ABLIM2: variants seen among roughly 807,000 people sequenced by gnomAD.
The protein encoded by ABLIM2 is actin-binding LIM protein 2.
In ABLIM2, 53 loss-of-function variants were observed where a neutral mutation model predicts 97.7. The observed-to-expected ratio is 0.54, with a 90% CI of 0.44 to 0.68. The LOEUF is 0.68. Ranked by LOEUF, ABLIM2 falls within the 30% of genes least tolerant of loss-of-function variation. The pLI is 0.00. For missense variants in ABLIM2, 835 were observed against 867.2 expected (o/e 0.96, Z 0.47); for synonymous variants, 361 against 345.8 (o/e 1.04, Z -0.49).
rs1021258375 is a variant in ABLIM2 at position 8,082,568 on chromosome 4, A to T, written c.455-1766T>A. 6.6e-6 allele frequency among the ~76,000 whole-genome samples: 1 copy of T among 152,194 alleles called. No homozygotes were observed. Among genetic ancestry groups the T allele is most frequent in the Non-Finnish European group, 1.5e-5 (1 of 68,026 alleles). On this transcript the variant is annotated intron_variant, in intron 4 of 20. Coordinates refer to ENST00000447017, the MANE Select transcript of ABLIM2 (RefSeq NM_001130083.2). The surrounding 1 kb of genome is among the most constrained non-coding windows in gnomAD (Gnocchi z 5.6). ...TAACAATTAAAACAAACGAACACTC[A>T]CAAAGCCGTTGGTCAAGCTCAGGAT... is the stretch of plus-strand genomic sequence containing the variant.
At chr4:8,007,780 G>C in intron 16 of ABLIM2, 1 of 1,237,642 alleles carries the variant, frequency 8.1e-7, no homozygotes, top group Admixed American at 3.8e-5. Flanking sequence ...CCCAGGAGCA[G>C]GTCTGGGTTT....
intron 1 of ABLIM2, among the ~76,000 whole-genome samples, chr4:8,136,620 G>C (rs923555327): frequency 6.6e-5 from 10 of 152,176 alleles, no homozygotes; most frequent in Non-Finnish European, 1.3e-4. Flanking sequence ...CTGAGTACCC[G>C]GGACCCACCA....
At chr4:7,984,211 C>T (rs1044293961) in intron 18 of ABLIM2, among the ~76,000 whole-genome samples, 2 of 152,344 alleles carry the variant, frequency 1.3e-5, no homozygotes, top group East Asian at 3.9e-4. Context: ...CCACTTGCCC[C>T]GTGTGGTTCT....
rs566269741 is a variant in ABLIM2, at chr4:8,058,439, T to A, written c.763+2528A>T. Among the ~76,000 whole-genome samples the A allele has an allele frequency of 7.7e-4, 117 of 152,212 alleles. No homozygotes were observed. The highest frequency in any genetic ancestry group is 1.5e-3 in the Non-Finnish European group (104 of 68,028). On this transcript the variant is annotated intron_variant, in intron 7 of 20. Transcript: ENST00000447017. This position sits in a 1 kb window ranked among gnomAD's most constrained non-coding sequence, Gnocchi z 4.2. ...GGTCATTCAACAGCCCGCAGGCACC[T>A]GCACGGCAGACGCTCTGACAGCAGC...
In ABLIM2 at chr4:8,080,767, G is replaced by C. The variant is rs983506804; in HGVS notation, c.490C>G (p.Gln164Glu). The change falls in exon 5 of 21, where the codon CAG becomes GAG. Residue 164 changes from glutamine (Q) to glutamate (E), a missense_variant. Physicochemically the swap from Gln to Glu is conservative, Grantham distance 29. Transcript: ENST00000447017. Reference protein sequence around the residue: ...GGCGTEIKNGQALVALDKHWH... With the variant: ...GGCGTEIKNGEALVALDKHWH... ...TGCTTGTCCAAGGCTACCAGGGCCT[G>C]GCCATTCTTGATTTCTGTGCCGCAG... The C allele has an allele frequency of 2.7e-5, 43 of 1,611,278 alleles. No homozygotes were observed. Among genetic ancestry groups the C allele is most frequent in the Non-Finnish European group, 3.6e-5 (43 of 1,178,236 alleles).
intron 9 of ABLIM2, among the ~76,000 whole-genome samples, chr4:8,038,998 G>A (rs78403015): frequency 0.028 from 4,310 of 152,090 alleles, 180 homozygotes; most frequent in African/African-American, 0.095. Context: ...GTCCTTCCAG[G>A]CTCAGCGAAG....
rs1429290826 is a variant in ABLIM2 at position 8,036,178 on chromosome 4, A to T, written c.1018T>A (p.Ser340Thr). ...CCGTAGCTCTGCCTGTCCCCTGCAG[A>T]GTGGCTGATGTAGGGTGAGTAGGAG... The part of the protein sequence containing the change: ...MISYSPYISH[S>T]AGDRQSYGEG... The change falls in exon 10 of 21, where the codon TCT (serine) becomes ACT (threonine). Residue 340 changes from serine (S) to threonine (T), a missense_variant. Transcript: ENST00000447017. The T allele has an allele frequency of 6.2e-7, 1 of 1,613,860 alleles. No homozygotes were observed. Among genetic ancestry groups the T allele is most frequent in the Admixed American group, 1.7e-5 (1 of 60,008 alleles).
intron 2 of ABLIM2, among the ~76,000 whole-genome samples, chr4:8,100,099 GA>G (rs1271667005): frequency 2.0e-5 from 3 of 152,164 alleles, no homozygotes; most frequent in Non-Finnish European, 4.4e-5. Flanking sequence ...CGGCTGGGGG[GA>G]AAAGATGAAT....
intron 1 of ABLIM2, among the ~76,000 whole-genome samples, chr4:8,154,475 T>C (rs1714567373): frequency 6.6e-6 from 1 of 150,664 alleles, no homozygotes; most frequent in Non-Finnish European, 1.5e-5. Context: ...AGAGATGGGG[T>C]TTCACCATGT....
At chr4:7,983,370 C>A in intron 19 of ABLIM2, 26 bp from the exon 20 acceptor site, 1 of 1,605,526 alleles carries the variant, frequency 6.2e-7, no homozygotes, top group Non-Finnish European at 8.5e-7. Flanking sequence ...ACCACAGGGT[C>A]ACCTCACGAA....
At chr4:8,048,113 G>A (rs1269859222) in intron 8 of ABLIM2, among the ~76,000 whole-genome samples, 1 of 152,232 alleles carries the variant, frequency 6.6e-6, no homozygotes, top group South Asian at 2.1e-4. Context: ...GGGCAGCCAG[G>A]TCATTGTCCT....
At position 8,069,786 on chromosome 4, in the gene ABLIM2, C is replaced by T. The variant is rs1215022276; in HGVS notation, c.675+7842G>A. ...GTGTGTCCATGCATGTTGTCTGTGT[C>T]TCTCCGTGTGCTTGTGTGTCTCTAT... On this transcript the variant is annotated intron_variant, in intron 6 of 20. Coordinates refer to ENST00000447017, the MANE Select transcript of ABLIM2 (RefSeq NM_001130083.2). This position sits in a 1 kb window ranked among gnomAD's most constrained non-coding sequence, Gnocchi z 4.2. 6.6e-6 allele frequency among the ~76,000 whole-genome samples: 1 copy of T among 151,442 alleles called. No individual in the cohort carries two copies. Among genetic ancestry groups the T allele is most frequent in the East Asian group, 1.9e-4 (1 of 5,150 alleles).
Position 8,095,572 on chromosome 4 carries a change from T to TG in ABLIM2, c.338+1526dup, listed in dbSNP as rs1831125012. On this transcript the variant is annotated intron_variant, in intron 3 of 20. Transcript: ENST00000447017. This position sits in a 1 kb window ranked among gnomAD's most constrained non-coding sequence, Gnocchi z 4.7. The stretch of plus-strand genomic sequence containing the variant: ...AAAATAATTAATTAAAAAATAGAGA[T>TG]GGGGTCTCTTTATGTTTCCCAAGCT... 6.6e-6 allele frequency among the ~76,000 whole-genome samples: 1 copy of TG among 152,114 alleles called. No homozygotes were observed. Among genetic ancestry groups the TG allele is most frequent in the African/African-American group, 2.4e-5 (1 of 41,424 alleles).
At chr4:8,139,466 G>T (rs1022813625) in intron 1 of ABLIM2, among the ~76,000 whole-genome samples, 33 of 152,084 alleles carry the variant, frequency 2.2e-4, no homozygotes, top group African/African-American at 8.0e-4. Context: ...CTTCACAAAA[G>T]AAGACATTTA....
Position 8,020,294 on chromosome 4 carries a change from C to T in ABLIM2, c.1277G>A (p.Ser426Asn), listed in dbSNP as rs746854919. 4.7e-5 allele frequency: 76 copies of T among 1,613,620 alleles called. No individual in the cohort carries two copies. In the Middle Eastern group the frequency reaches 6.6e-4, roughly 14 times the overall value. ...GGAGAGGCTGGGGGTGCTCCGGCCACTTTCACTGCCTCCAGACGGAAGGGC... is the reference window on the plus strand; with the variant it reads ...GGAGAGGCTGGGGGTGCTCCGGCCATTTTCACTGCCTCCAGACGGAAGGGC... The part of the protein sequence containing the change: ...HYIPYFRGSE[S>N]GRSTPSLSVL... The change falls in exon 13 of 21, where the codon AGT (serine) becomes AAT (asparagine). Residue 426 changes from serine (S) to asparagine (N), a missense_variant. Ser to Asn is a conservative substitution (Grantham distance 46). Coordinates refer to ENST00000447017, the MANE Select transcript of ABLIM2 (RefSeq NM_001130083.2).
At chr4:8,052,294 C>A (rs1796533877) in intron 8 of ABLIM2, among the ~76,000 whole-genome samples, 1 of 152,146 alleles carries the variant, frequency 6.6e-6, no homozygotes. Context: ...AAGGATCTCA[C>A]AAATGGTGCG....
At chr4:8,100,803 A>G (rs984918119) in intron 2 of ABLIM2, among the ~76,000 whole-genome samples, 3 of 150,790 alleles carry the variant, frequency 2.0e-5, no homozygotes, top group African/African-American at 7.3e-5. Flanking sequence ...TAACAAGCTG[A>G]TTAGCCCAGT....
rs149235279 is a variant in ABLIM2, at chr4:8,128,270, T to C, written c.11-21633A>G. 6.6e-6 allele frequency among the ~76,000 whole-genome samples: 1 copy of C among 152,222 alleles called. No homozygotes were observed. Among genetic ancestry groups the C allele is most frequent in the African/African-American group, 2.4e-5 (1 of 41,526 alleles). On this transcript the variant is annotated intron_variant, in intron 1 of 20. Transcript: ENST00000447017. This position sits in a 1 kb window ranked among gnomAD's most constrained non-coding sequence, Gnocchi z 4.9. The stretch of plus-strand genomic sequence containing the variant: ...TCCGCCCTCATCCACAATGACCTCA[T>C]CTCCATCTTTACCATAATTACATAC...
At chr4:8,052,802 C>A (rs1467701505) in intron 8 of ABLIM2, among the ~76,000 whole-genome samples, 1 of 152,280 alleles carries the variant, frequency 6.6e-6, no homozygotes, top group Non-Finnish European at 1.5e-5. Context: ...TTGTTCCCTG[C>A]AGGCACAGCT....
Sources: gnomAD v4.1 joint callset for allele counts (sites outside exome capture counted in the v4.1 genomes callset) on GRCh38, gnomAD v4.1.1 for gene constraint, Gnocchi (gnomAD v3.1) non-coding constraint, MANE v1.5 for transcripts, NCBI Gene and HGNC (gene_info 2026-07-23, HGNC 2026-07-21) for gene names.